CACNG4: variants seen among roughly 807,000 people sequenced by gnomAD.
CACNG4 encodes voltage-dependent calcium channel gamma-4 subunit.
A neutral mutation model predicts 22.9 loss-of-function variants in CACNG4; 8 were observed. The observed-to-expected ratio is 0.35, with a 90% CI of 0.21 to 0.63. The LOEUF (loss-of-function observed/expected upper bound fraction) is 0.63, where lower values mean the gene tolerates loss of function less well. Among genes scored for constraint, CACNG4 ranks in the 30% least tolerant of loss-of-function variants. CACNG4 has a pLI of 0.72. For synonymous variants in CACNG4, 188 were observed against 191.9 expected, an observed-to-expected ratio of 0.98 and a Z score of 0.17; for missense variants, 357 against 455.4, an observed-to-expected ratio of 0.78 and a Z score of 1.97.
At chr17:66,975,974 C>A (rs1308709135) in intron 1 of CACNG4, among the ~76,000 whole-genome samples, 4 of 152,236 alleles carry the variant, frequency 2.6e-5, no homozygotes, top group African/African-American at 9.6e-5. Flanking sequence ...AACTGGGGAA[C>A]TTCCAGTAGC....
chr17:66,973,767 T>C (rs1279167232), intron 1 of CACNG4, among the ~76,000 whole-genome samples: 1 of 152,124 alleles, frequency 6.6e-6, no homozygotes, highest in Non-Finnish European at 1.5e-5. Flanking sequence ...GGGCTTGGTC[T>C]CCTGGGAAAC....
At chr17:66,966,403 C>A (rs2035171486) in intron 1 of CACNG4, among the ~76,000 whole-genome samples, 1 of 152,168 alleles carries the variant, frequency 6.6e-6, no homozygotes, top group Non-Finnish European at 1.5e-5. Context: ...AACTCCGCCC[C>A]TCGGTTGTTC....
chr17:66,965,226 G>T, intron 1 of CACNG4, 95 bp downstream of exon 1: 1 of 719,338 alleles, frequency 1.4e-6, no homozygotes. Context: ...ACACACACAC[G>T]CGCACACACT....
At chr17:66,991,666 C>G (rs2035341335) in intron 1 of CACNG4, among the ~76,000 whole-genome samples, 1 of 152,184 alleles carries the variant, frequency 6.6e-6, no homozygotes, top group Non-Finnish European at 1.5e-5. Context: ...ACCATCCAGA[C>G]AGGATTCAGC....
chr17:67,004,642 C>G (rs1177406145), intron 1 of CACNG4, among the ~76,000 whole-genome samples: 1 of 152,184 alleles, frequency 6.6e-6, no homozygotes, highest in Non-Finnish European at 1.5e-5. Flanking sequence ...TCTCCCTCCC[C>G]CAGTGAAGGT....
intron 1 of CACNG4, among the ~76,000 whole-genome samples, chr17:67,003,960 A>C (rs1387087585): frequency 1.3e-5 from 2 of 152,218 alleles, no homozygotes; most frequent in African/African-American, 2.4e-5. Context: ...GTTTATGATT[A>C]TCTACTATGA....
At chr17:67,006,768 T>C (rs1172344617) in intron 1 of CACNG4, among the ~76,000 whole-genome samples, 2 of 152,066 alleles carry the variant, frequency 1.3e-5, no homozygotes, top group African/African-American at 2.4e-5. Context: ...AATACCAAAC[T>C]AAAAGAAAGA....
rs1343073729 is a variant in CACNG4 at position 67,027,303 on chromosome 17, T to C, written c.445+2303T>C. Among the ~76,000 whole-genome samples the C allele has an allele frequency of 6.6e-6, 1 of 152,172 alleles. No individual in the cohort carries two copies. The highest frequency in any genetic ancestry group is 1.5e-5 in the Non-Finnish European group (1 of 68,036). On this transcript the variant is annotated intron_variant, in intron 3 of 3. Transcript: ENST00000262138. This position sits in a 1 kb window ranked among gnomAD's most constrained non-coding sequence, Gnocchi z 4.3. ...AGATGCTTGGTGCCACCAGAGGGAC[T>C]TGGAGCCTGGACCCAGAGCCCTAGC...
chr17:67,023,256 C>T (rs370429160), intron 2 of CACNG4, among the ~76,000 whole-genome samples: 31 of 146,342 alleles, frequency 2.1e-4, no homozygotes, highest in African/African-American at 6.0e-4. Context: ...TGAGTCACAT[C>T]TGCAAGACCT....
chr17:67,023,270 C>CTTTTTTTTTTTT (rs3043068), intron 2 of CACNG4, among the ~76,000 whole-genome samples: 1 of 79,784 alleles, frequency 1.3e-5, no homozygotes, highest in Non-Finnish European at 2.2e-5. Flanking sequence ...AAGACCTCTT[C>CTTTTTTTTTTTT]TTTTTTTTTT....
chr17:67,014,726 C>G (rs541021102), intron 1 of CACNG4, among the ~76,000 whole-genome samples: 56 of 152,182 alleles, frequency 3.7e-4, no homozygotes, highest in Non-Finnish European at 7.4e-5. Context: ...TGCTTGAGGT[C>G]AGAAGTTCAA....
intron 1 of CACNG4, among the ~76,000 whole-genome samples, chr17:66,979,307 C>T (rs2035257093): frequency 6.6e-6 from 1 of 152,160 alleles, no homozygotes; most frequent in Non-Finnish European, 1.5e-5. Context: ...AAGCCCTCTC[C>T]TGCTTCCTGT....
chr17:67,026,791 G>A (rs546044035), intron 3 of CACNG4, among the ~76,000 whole-genome samples: 2 of 151,900 alleles, frequency 1.3e-5, no homozygotes, highest in Non-Finnish European at 2.9e-5. Flanking sequence ...GTGTGTGTGT[G>A]CACATGTGTG....
intron 1 of CACNG4, among the ~76,000 whole-genome samples, chr17:66,973,856 C>G (rs2035219652): frequency 6.6e-6 from 1 of 152,212 alleles, no homozygotes. Context: ...CCCCCAACGT[C>G]CCGTCCCCCA....
chr17:67,011,191 G>A (rs1486161054), intron 1 of CACNG4, among the ~76,000 whole-genome samples: 3 of 152,232 alleles, frequency 2.0e-5, no homozygotes, highest in Non-Finnish European at 2.9e-5. Flanking sequence ...TCTCTGGTCT[G>A]TGTGGCCTCA....
chr17:66,998,443 A>G (rs904975799), intron 1 of CACNG4, among the ~76,000 whole-genome samples: 1 of 152,152 alleles, frequency 6.6e-6, no homozygotes, highest in African/African-American at 2.4e-5. Flanking sequence ...AACTCAAGCA[A>G]TCCTCCTGCC....
intron 1 of CACNG4, among the ~76,000 whole-genome samples, chr17:67,010,912 T>C (rs1016449923): frequency 1.3e-5 from 2 of 152,192 alleles, no homozygotes; most frequent in Admixed American, 6.5e-5. Context: ...TCCTGCAGTG[T>C]GCCCCTTTCT....
At chr17:66,998,615 C>T (rs1045828559) in intron 1 of CACNG4, among the ~76,000 whole-genome samples, 12 of 152,134 alleles carry the variant, frequency 7.9e-5, no homozygotes, top group African/African-American at 9.7e-5. Context: ...AAGTGTTCCC[C>T]GCTCACCCTC....
chr17:67,023,647 C>T (rs1168839894), intron 2 of CACNG4, among the ~76,000 whole-genome samples: 1 of 151,044 alleles, frequency 6.6e-6, no homozygotes, highest in Non-Finnish European at 1.5e-5. Context: ...TCTCAGCTCA[C>T]TGCAACCTCC....
Sources: allele counts gnomAD v4.1 joint callset (sites outside exome capture counted in the v4.1 genomes callset), GRCh38; gene constraint gnomAD v4.1.1; non-coding constraint Gnocchi (gnomAD v3.1); transcripts MANE v1.5; gene names NCBI Gene and HGNC (gene_info 2026-07-23, HGNC 2026-07-21).